TMEM40: variants seen among roughly 807,000 people sequenced by gnomAD.
TMEM40 encodes the protein transmembrane protein 40.
In TMEM40, 34 loss-of-function variants were observed where a neutral mutation model predicts 40.8. That is an observed-to-expected ratio of 0.83 (90% confidence interval 0.63 to 1.11). The LOEUF (loss-of-function observed/expected upper bound fraction) is 1.11. Ranked by LOEUF, TMEM40 falls within the 50% of genes least tolerant of loss-of-function variation. TMEM40 has a pLI of 0.00. For missense variants in TMEM40, 296 were observed against 280.2 expected (o/e 1.06, Z -0.40); for synonymous variants, 106 against 107.0 (o/e 0.99, Z 0.06).
intron 5 of TMEM40, chr3:12,739,157 A>G (rs2106607707): frequency 6.6e-6 from 1 of 152,064 alleles, no homozygotes; most frequent in African/African-American, 2.4e-5. Context: ...ATCTCAAACA[A>G]AAAAAAAAGT....
intron 5 of TMEM40, among the ~76,000 whole-genome samples, chr3:12,740,041 CTTATATA>C (rs2061369094): frequency 1.4e-5 from 2 of 146,564 alleles, no homozygotes; most frequent in Admixed American, 1.4e-4. Flanking sequence ...ATATAATATA[CTTATATA>C]TTATATAACA....
intron 1 of TMEM40, among the ~76,000 whole-genome samples, chr3:12,765,890 C>T (rs775415238): frequency 2.4e-4 from 37 of 152,142 alleles, no homozygotes; most frequent in Non-Finnish European, 2.2e-4. Context: ...TGGTCTTGCA[C>T]TGTTGCCCAG....
intron 1 of TMEM40, among the ~76,000 whole-genome samples, chr3:12,755,213 T>TCTCTCTC (rs1233789779): frequency 6.4e-5 from 6 of 94,252 alleles, no homozygotes; most frequent in African/African-American, 2.6e-4. Context: ...CTTTCTTTCT[T>TCTCTCTC]TCTCTCTCTC....
At chr3:12,750,744 A>G (rs778753033) in intron 1 of TMEM40, among the ~76,000 whole-genome samples, 1 of 152,148 alleles carries the variant, frequency 6.6e-6, no homozygotes, top group African/African-American at 2.4e-5. Context: ...CACTGTGGCC[A>G]GCCTCTGACT....
chr3:12,734,773 C>T lies in TMEM40; in HGVS notation c.*1G>A. ...CCTCTGCTGCCCACCTGGAAGTGGC[C>T]TCAGTCAGTCTTCCTGAACCCTGGA... On this transcript the variant is annotated 3_prime_UTR_variant, in exon 12 of 12. Coordinates refer to ENST00000314124, the MANE Select transcript of TMEM40 (RefSeq NM_018306.4). 6.3e-7 allele frequency: 1 copy of T among 1,598,026 alleles called. No individual in the cohort carries two copies. The highest frequency in any genetic ancestry group is 1.1e-5 in the South Asian group (1 of 88,058).
At chr3:12,756,695 C>T (rs756786984) in intron 1 of TMEM40, among the ~76,000 whole-genome samples, 32 of 152,226 alleles carry the variant, frequency 2.1e-4, no homozygotes, top group Non-Finnish European at 4.3e-4. Context: ...CAGAGCCAGG[C>T]GGGTCCCTTC....
At chr3:12,752,793 ACT>A (rs2061488765) in intron 1 of TMEM40, among the ~76,000 whole-genome samples, 1 of 150,978 alleles carries the variant, frequency 6.6e-6, no homozygotes, top group East Asian at 2.0e-4. Flanking sequence ...ACAGGGCAAG[ACT>A]CTGTCTCAAA....
At chr3:12,753,260 C>T (rs1451973043) in intron 1 of TMEM40, among the ~76,000 whole-genome samples, 3 of 140,690 alleles carry the variant, frequency 2.1e-5, no homozygotes, top group Non-Finnish European at 4.5e-5. Flanking sequence ...ACTCTATCAC[C>T]CAGGCTGGAG....
chr3:12,766,638 C>A (rs1332388867), intron 1 of TMEM40, among the ~76,000 whole-genome samples: 1 of 151,914 alleles, frequency 6.6e-6, no homozygotes, highest in African/African-American at 2.4e-5. Flanking sequence ...AGATAGTAAC[C>A]TTTTGTCAGC....
intron 3 of TMEM40, among the ~76,000 whole-genome samples, chr3:12,747,249 C>T (rs1189827869): frequency 6.6e-6 from 1 of 151,802 alleles, no homozygotes; most frequent in Admixed American, 6.6e-5. Context: ...AGCTCAAGCC[C>T]ACCATAAAAG....
chr3:12,741,571 G>A (rs1311574526), intron 5 of TMEM40, among the ~76,000 whole-genome samples: 1 of 152,068 alleles, frequency 6.6e-6, no homozygotes, highest in East Asian at 1.9e-4. Flanking sequence ...CCAATGTCTG[G>A]GGGAAGGAAG....
At chr3:12,740,221 G>A (rs1330375179) in intron 5 of TMEM40, among the ~76,000 whole-genome samples, 1 of 151,318 alleles carries the variant, frequency 6.6e-6, no homozygotes, top group Non-Finnish European at 1.5e-5. Context: ...AGGCTCCTGA[G>A]TAGCTGGGAT....
chr3:12,738,684 C>T, intron 5 of TMEM40, 96 bp from the exon 6 acceptor site: 2 of 1,376,854 alleles, frequency 1.5e-6, no homozygotes, highest in Non-Finnish European at 2.1e-6. Context: ...GGAGACTTCC[C>T]ACTTAATCTG....
intron 1 of TMEM40, among the ~76,000 whole-genome samples, chr3:12,755,669 A>G (rs1239044133): frequency 6.6e-6 from 1 of 152,192 alleles, no homozygotes; most frequent in African/African-American, 2.4e-5. Flanking sequence ...TTAATAGTAT[A>G]TAGTTTAGCC....
In TMEM40 at chr3:12,734,594, G is replaced by A; in HGVS notation, c.*180C>T. 1.4e-6 allele frequency: 1 copy of A among 701,272 alleles called. No homozygotes were observed. Among genetic ancestry groups the A allele is most frequent in the South Asian group, 1.8e-5 (1 of 55,374 alleles). The allele number at this position is 701,272 out of a possible 1,614,324, so 43.4% of individuals were successfully genotyped here. On this transcript the variant is annotated 3_prime_UTR_variant, in exon 12 of 12. Coordinates refer to ENST00000314124, the MANE Select transcript of TMEM40 (RefSeq NM_018306.4). ...GGTTGCACAGCAGTACTGCCCAAAT[G>A]AGATGCCCCTGCCCGGGCTGGTGCC... is the stretch of plus-strand genomic sequence containing the variant.
intron 1 of TMEM40, among the ~76,000 whole-genome samples, chr3:12,750,834 C>A (rs1181496745): frequency 2.6e-5 from 4 of 152,210 alleles, no homozygotes; most frequent in Non-Finnish European, 5.9e-5. Flanking sequence ...TAGCAGCCTC[C>A]TCCCAGATGC....
chr3:12,739,659 A>G (rs1292656185), intron 5 of TMEM40, among the ~76,000 whole-genome samples: 1 of 151,340 alleles, frequency 6.6e-6, no homozygotes, highest in East Asian at 1.9e-4. Context: ...GGGCTCAAGC[A>G]ATCCTCCCAC....
chr3:12,763,782 A>G (rs2061583041), upstream of TMEM40, among the ~76,000 whole-genome samples: 1 of 152,158 alleles, frequency 6.6e-6, no homozygotes, highest in South Asian at 2.1e-4. Context: ...AGGCTGTGGG[A>G]TCCTTCAGGC....
At chr3:12,739,869 G>A (rs1466064240) in intron 5 of TMEM40, among the ~76,000 whole-genome samples, 1 of 150,920 alleles carries the variant, frequency 6.6e-6, no homozygotes, top group African/African-American at 2.4e-5. Flanking sequence ...TGTCATCCAG[G>A]TTGCAGGGCA....
Sources: allele counts gnomAD v4.1 joint callset (sites outside exome capture counted in the v4.1 genomes callset), GRCh38; gene constraint gnomAD v4.1.1; transcripts MANE v1.5; gene names NCBI Gene and HGNC (gene_info 2026-07-23, HGNC 2026-07-21).